The following TLL2 variants were observed in gnomAD, a reference collection of about 807,000 sequenced individuals.
TLL2 encodes the protein tolloid like 2.
TLL2 carries 106 observed loss-of-function variants against 123.0 expected under a neutral mutation model. The observed-to-expected ratio is 0.86, with a 90% CI of 0.74 to 1.01. The LOEUF (loss-of-function observed/expected upper bound fraction) is 1.01. Ranked by LOEUF, TLL2 falls within the 50% of genes least tolerant of loss-of-function variation. The pLI, the probability that TLL2 is intolerant of heterozygous loss-of-function variation, is 0.00. For missense variants in TLL2, 1,332 were observed against 1,336.7 expected, an observed-to-expected ratio of 1.00 and a Z score of 0.06; for synonymous variants, 494 against 516.8, an observed-to-expected ratio of 0.96 and a Z score of 0.60.
intron 6 of TLL2, among the ~76,000 whole-genome samples, chr10:96,421,674 A>C (rs1008220702): frequency 2.6e-5 from 4 of 151,376 alleles, no homozygotes; most frequent in African/African-American, 4.9e-5. Flanking sequence ...AAAAAAAAAA[A>C]AAAAGTACAA....
intron 13 of TLL2, among the ~76,000 whole-genome samples, chr10:96,388,525 C>G (rs1312459035): frequency 6.6e-6 from 1 of 152,328 alleles, no homozygotes; most frequent in Non-Finnish European, 1.5e-5. Context: ...CCCTCTCAGG[C>G]AGGAATCCTT....
At chr10:96,469,695 C>G (rs1055536045) in intron 2 of TLL2, among the ~76,000 whole-genome samples, 1 of 152,202 alleles carries the variant, frequency 6.6e-6, no homozygotes, top group Non-Finnish European at 1.5e-5. Context: ...TCCCAGAGCA[C>G]GACAATCATC....
intron 1 of TLL2, among the ~76,000 whole-genome samples, chr10:96,496,990 AC>A (rs149884381): frequency 0.16 from 23,677 of 152,160 alleles, 2,192 homozygotes; most frequent in East Asian, 0.4. Context: ...TTGTAAGGAT[AC>A]TAAAAATGGC....
chr10:96,444,171 G>C (rs1362423287), intron 3 of TLL2, among the ~76,000 whole-genome samples: 1 of 152,206 alleles, frequency 6.6e-6, no homozygotes, highest in Non-Finnish European at 1.5e-5. Flanking sequence ...TATGGGAAAG[G>C]AGTACACTTA....
intron 3 of TLL2, among the ~76,000 whole-genome samples, chr10:96,442,978 AT>A (rs1846863871): frequency 6.6e-6 from 1 of 152,218 alleles, no homozygotes; most frequent in Non-Finnish European, 1.5e-5. Context: ...AAGCAGTTAA[AT>A]AACTTATCCA....
At chr10:96,474,469 A>G (rs1208770230) in intron 2 of TLL2, among the ~76,000 whole-genome samples, 1 of 152,174 alleles carries the variant, frequency 6.6e-6, no homozygotes, top group Non-Finnish European at 1.5e-5. Flanking sequence ...GGGGGTCTTC[A>G]TTTCCTTATG....
intron 17 of TLL2, 129 bp from the exon 18 acceptor site, chr10:96,376,948 G>T: frequency 2.3e-6 from 2 of 872,394 alleles, no homozygotes; most frequent in Non-Finnish European, 3.2e-6. Flanking sequence ...ATGGGGGTGG[G>T]GTATCCTGAA....
intron 1 of TLL2, among the ~76,000 whole-genome samples, chr10:96,511,778 G>C (rs556244481): frequency 3.3e-5 from 5 of 152,320 alleles, no homozygotes; most frequent in South Asian, 2.1e-4. Context: ...TCCCCACTCC[G>C]GGCCTCAGCG....
At chr10:96,402,210 T>C (rs538075250) in intron 10 of TLL2, among the ~76,000 whole-genome samples, 3 of 152,332 alleles carry the variant, frequency 2.0e-5, no homozygotes, top group East Asian at 3.9e-4. Context: ...TGGAGAAGTA[T>C]ACAAAACAAA....
chr10:96,478,054 A>C (rs1335089107), intron 2 of TLL2, among the ~76,000 whole-genome samples: 1 of 152,238 alleles, frequency 6.6e-6, no homozygotes, highest in African/African-American at 2.4e-5. Context: ...CACCTTGAGC[A>C]AGTGGCATGA....
rs187957199 is a variant in TLL2 at position 96,473,050 on chromosome 10, C to T, written c.286+7299G>A. Among the ~76,000 whole-genome samples, 748 of 151,702 alleles carry T rather than the reference C, an allele frequency of 4.9e-3. 5 individuals carry two copies. Among genetic ancestry groups the T allele is most frequent in the African/African-American group, 0.017 (700 of 41,154 alleles). ...GAAGTTAGAATGTGGTTCCATCAGC[C>T]CCCCCCAATCAGATGGGAACACTGA... is the stretch of plus-strand genomic sequence containing the variant. On this transcript the variant is annotated intron_variant, in intron 2 of 20. Coordinates refer to ENST00000357947, the MANE Select transcript of TLL2 (RefSeq NM_012465.4).
intron 4 of TLL2, among the ~76,000 whole-genome samples, chr10:96,430,455 C>G (rs1846726802): frequency 6.6e-6 from 1 of 152,234 alleles, no homozygotes; most frequent in Non-Finnish European, 1.5e-5. Flanking sequence ...AGAAACTACC[C>G]AGCCTCAGGT....
chr10:96,441,838 C>T (rs117199423), intron 3 of TLL2, among the ~76,000 whole-genome samples: 178 of 152,270 alleles, frequency 1.2e-3, no homozygotes, highest in African/African-American at 1.7e-3. Context: ...AGTAAACTGA[C>T]GTAAGTGATG....
intron 2 of TLL2, among the ~76,000 whole-genome samples, chr10:96,454,035 A>G (rs1220669414): frequency 1.3e-5 from 2 of 152,002 alleles, no homozygotes; most frequent in East Asian, 1.9e-4. Context: ...ACACACACAC[A>G]CATATACACA....
At chr10:96,510,149 C>G (rs1022846223) in intron 1 of TLL2, among the ~76,000 whole-genome samples, 1 of 152,168 alleles carries the variant, frequency 6.6e-6, no homozygotes, top group African/African-American at 2.4e-5. Flanking sequence ...GACTTGAAAT[C>G]AGCTTAAAAC....
At chr10:96,512,567 C>A (rs1357444805) in intron 1 of TLL2, among the ~76,000 whole-genome samples, 1 of 152,242 alleles carries the variant, frequency 6.6e-6, no homozygotes, top group African/African-American at 2.4e-5. Flanking sequence ...CGGGGCCCCA[C>A]AAAGCCGGAG....
Position 96,513,590 on chromosome 10 carries a change from G to A in TLL2, c.96C>T (p.Ala32=). ...GAGGLGERPD[A]TADYSELDGE... is the part of the protein sequence containing the mutation. ...CGTCCAGCTCTGAGTAGTCTGCGGT[G>A]GCGTCCGGGCGCTCCCCGAGTCCCC... The change falls in exon 1 of 21, where the codon GCC becomes GCT. Residue 32 remains alanine, a synonymous_variant. Coordinates refer to ENST00000357947, the MANE Select transcript of TLL2 (RefSeq NM_012465.4). The A allele has an allele frequency of 6.2e-7, 1 of 1,607,086 alleles. No individual in the cohort carries two copies. The highest frequency in any genetic ancestry group is 8.5e-7 in the Non-Finnish European group (1 of 1,179,200).
chr10:96,458,764 CT>C (rs1212662641), intron 2 of TLL2, among the ~76,000 whole-genome samples: 1 of 151,942 alleles, frequency 6.6e-6, no homozygotes, highest in Non-Finnish European at 1.5e-5. Context: ...GAGCAAGACT[CT>C]GTCAAAAAAG....
chr10:96,448,175 C>T (rs1283492252), intron 2 of TLL2, among the ~76,000 whole-genome samples: 2 of 152,228 alleles, frequency 1.3e-5, no homozygotes, highest in South Asian at 2.1e-4. Context: ...GCATCCTGCT[C>T]GTTCCGCTGC....
Sources: gnomAD v4.1 joint callset for allele counts (sites outside exome capture counted in the v4.1 genomes callset) on GRCh38, gnomAD v4.1.1 for gene constraint, MANE v1.5 for transcripts, NCBI Gene and HGNC (gene_info 2026-07-23, HGNC 2026-07-21) for gene names.